Variants in CCDC85A observed in about 807,000 individuals in gnomAD.
The protein encoded by CCDC85A is coiled-coil domain containing 85A.
CCDC85A carries 38 observed loss-of-function variants against 50.2 expected under a neutral mutation model. The observed-to-expected ratio is 0.76, with a 90% CI of 0.58 to 0.99. The LOEUF (loss-of-function observed/expected upper bound fraction) is 0.99, where lower values mean the gene tolerates loss of function less well. CCDC85A is among the 50% of genes least tolerant of loss of function. The pLI, the probability that CCDC85A is intolerant of heterozygous loss-of-function variation, is 0.00. For missense variants in CCDC85A, 820 were observed against 742.0 expected (o/e 1.11, Z -1.22); for synonymous variants, 366 against 301.4 (o/e 1.21, Z -2.22).
At chr2:56,237,459 A>T (rs974527611) in intron 2 of CCDC85A, among the ~76,000 whole-genome samples, 1 of 152,230 alleles carries the variant, frequency 6.6e-6, no homozygotes, top group African/African-American at 2.4e-5. Flanking sequence ...GAAGAAAAAA[A>T]ATTTGTTAAC....
chr2:56,298,846 T>C (rs1270054746), intron 2 of CCDC85A, among the ~76,000 whole-genome samples: 2 of 152,144 alleles, frequency 1.3e-5, no homozygotes, highest in South Asian at 2.1e-4. Context: ...GTGATTTTAT[T>C]AGCTAGCCAA....
In CCDC85A at chr2:56,184,130, G is replaced by C. The variant is rs1455180690; in HGVS notation, c.-495G>C. ...GCTAGAGCAGCCGGGGAGGCGCCGC[G>C]GTGCCCGGCGCGCCCTCCAAGCTAG... On this transcript the variant is annotated 5_prime_UTR_variant, in exon 1 of 6. Transcript: ENST00000407595. 1 of 985,382 alleles carries C rather than the reference G, an allele frequency of 1.0e-6. No homozygotes were observed. Among genetic ancestry groups the C allele is most frequent in the African/African-American group, 1.7e-5 (1 of 57,190 alleles). 61.0% of individuals were successfully genotyped at this position (985,382 alleles called of 1,614,324 possible).
chr2:56,332,953 GA>G, intron 2 of CCDC85A, among the ~76,000 whole-genome samples: 1 of 152,096 alleles, frequency 6.6e-6, no homozygotes, highest in Non-Finnish European at 1.5e-5. Flanking sequence ...TCCTTAAGGG[GA>G]ACTTCTACAT....
chr2:56,325,057 A>G (rs1673397869), intron 2 of CCDC85A, among the ~76,000 whole-genome samples: 1 of 152,126 alleles, frequency 6.6e-6, no homozygotes, highest in Non-Finnish European at 1.5e-5. Context: ...TGAAAGTTAA[A>G]GAAGCACTCT....
chr2:56,249,313 C>A (rs1167805023), intron 2 of CCDC85A, among the ~76,000 whole-genome samples: 3 of 152,210 alleles, frequency 2.0e-5, no homozygotes, highest in Non-Finnish European at 4.4e-5. Context: ...GAGGAAACTC[C>A]CTTTACTTTC....
chr2:56,344,738 C>A (rs182252768), intron 3 of CCDC85A, among the ~76,000 whole-genome samples: 1 of 152,184 alleles, frequency 6.6e-6, no homozygotes, highest in East Asian at 1.9e-4. Context: ...AAACATCTAA[C>A]TTCTTACTTG....
intron 3 of CCDC85A, among the ~76,000 whole-genome samples, chr2:56,363,882 T>A (rs1466088277): frequency 1.3e-5 from 2 of 152,230 alleles, no homozygotes; most frequent in Non-Finnish European, 2.9e-5. Context: ...GTCCTACTTG[T>A]GCTTTCCTTT....
chr2:56,282,823 A>T (rs1437295992), intron 2 of CCDC85A, among the ~76,000 whole-genome samples: 2 of 152,144 alleles, frequency 1.3e-5, no homozygotes, highest in Admixed American at 6.5e-5. Flanking sequence ...CTTTTCATTT[A>T]TTTGGACTGC....
intron 3 of CCDC85A, among the ~76,000 whole-genome samples, chr2:56,362,210 T>G (rs946974848): frequency 2.0e-5 from 3 of 152,010 alleles, no homozygotes; most frequent in South Asian, 2.1e-4. Context: ...TGGATTTTGA[T>G]CTCAGCAATC....
intron 2 of CCDC85A, among the ~76,000 whole-genome samples, chr2:56,284,366 C>T (rs551130327): frequency 3.9e-5 from 6 of 152,134 alleles, no homozygotes; most frequent in African/African-American, 1.2e-4. Flanking sequence ...TGATTGATAA[C>T]GTTCAAATCT....
chr2:56,282,172 G>C (rs1671235551), intron 2 of CCDC85A, among the ~76,000 whole-genome samples: 1 of 151,862 alleles, frequency 6.6e-6, no homozygotes, highest in Non-Finnish European at 1.5e-5. Flanking sequence ...TGAAAAGACT[G>C]TTCTTTCCTC....
rs1313530535 is a variant in CCDC85A, at chr2:56,386,070, A to C, written c.*1715A>C. 6.6e-6 allele frequency: 1 copy of C among 152,240 alleles called. No individual in the cohort carries two copies. Among genetic ancestry groups the C allele is most frequent in the Admixed American group, 6.6e-5 (1 of 15,188 alleles). 9.4% of individuals were successfully genotyped at this position (152,240 alleles called of 1,614,324 possible). On this transcript the variant is annotated 3_prime_UTR_variant, in exon 6 of 6. Transcript: ENST00000407595. ...TCTTTTGACAAAATAAACTTGTGTA[A>C]ATTTTGATACTGTATTAAAACTATT... is the stretch of plus-strand genomic sequence containing the variant.
intron 2 of CCDC85A, among the ~76,000 whole-genome samples, chr2:56,246,329 T>C (rs1669507865): frequency 1.3e-5 from 2 of 152,234 alleles, no homozygotes; most frequent in African/African-American, 4.8e-5. Context: ...ATTCTGTGGA[T>C]TGTCTTATTA....
intron 2 of CCDC85A, among the ~76,000 whole-genome samples, chr2:56,286,967 C>T (rs1011057211): frequency 6.6e-6 from 1 of 152,292 alleles, no homozygotes; most frequent in Non-Finnish European, 1.5e-5. Context: ...CCTACAGACA[C>T]GACCTTTACT....
chr2:56,203,587 A>G (rs1301173593), intron 2 of CCDC85A, among the ~76,000 whole-genome samples: 1 of 152,194 alleles, frequency 6.6e-6, no homozygotes, highest in Non-Finnish European at 1.5e-5. Context: ...CCAGGTATAC[A>G]AAAGACATTG....
At chr2:56,265,378 C>A (rs1201071029) in intron 2 of CCDC85A, among the ~76,000 whole-genome samples, 1 of 151,706 alleles carries the variant, frequency 6.6e-6, no homozygotes, top group Non-Finnish European at 1.5e-5. Context: ...GGAACTAAAT[C>A]TACTTCATAA....
At chr2:56,296,422 A>C (rs1671951265) in intron 2 of CCDC85A, among the ~76,000 whole-genome samples, 1 of 152,178 alleles carries the variant, frequency 6.6e-6, no homozygotes, top group South Asian at 2.1e-4. Context: ...AAGTGAAATG[A>C]GAAGAGGACC....
intron 2 of CCDC85A, among the ~76,000 whole-genome samples, chr2:56,335,514 C>T (rs115437340): frequency 4.1e-4 from 62 of 152,144 alleles, no homozygotes; most frequent in African/African-American, 1.5e-3. Flanking sequence ...ACTGAGGAAT[C>T]CAAGATCAAG....
At chr2:56,196,509 A>G (rs1238325050) in intron 2 of CCDC85A, among the ~76,000 whole-genome samples, 1 of 152,352 alleles carries the variant, frequency 6.6e-6, no homozygotes, top group East Asian at 1.9e-4. Flanking sequence ...TTGACATCCA[A>G]GGTTGAATGG....
Sources: allele counts gnomAD v4.1 joint callset (sites outside exome capture counted in the v4.1 genomes callset), GRCh38; gene constraint gnomAD v4.1.1; transcripts MANE v1.5; gene names NCBI Gene and HGNC (gene_info 2026-07-23, HGNC 2026-07-21).